The following ATP6V1H variants were observed in gnomAD, a reference collection of about 807,000 sequenced individuals.
ATP6V1H encodes ATPase H+ transporting V1 subunit H.
In ATP6V1H, 39 loss-of-function variants were observed where a neutral mutation model predicts 71.7. That is an observed-to-expected ratio of 0.54 (90% CI 0.42 to 0.71). The LOEUF (loss-of-function observed/expected upper bound fraction) is 0.71. Ranked by LOEUF, ATP6V1H falls within the 30% of genes least tolerant of loss-of-function variation. The pLI, the probability that ATP6V1H is intolerant of heterozygous loss-of-function variation, is 0.00. For synonymous variants in ATP6V1H, 192 were observed against 199.3 expected (o/e 0.96, Z 0.31); for missense variants, 509 against 594.9 (o/e 0.86, Z 1.50).
chr8:53,777,465 A>G (rs1486713802), intron 9 of ATP6V1H, among the ~76,000 whole-genome samples: 3 of 152,126 alleles, frequency 2.0e-5, no homozygotes, highest in Non-Finnish European at 4.4e-5. Flanking sequence ...AAGTGGAACG[A>G]TATCTTGAAA....
intron 9 of ATP6V1H, among the ~76,000 whole-genome samples, chr8:53,772,864 GCTA>G (rs530967244): frequency 8.7e-4 from 105 of 120,794 alleles, no homozygotes; most frequent in Non-Finnish European, 1.4e-3. Flanking sequence ...TTAAAAAAAA[GCTA>G]CTTTCACCAA....
rs1563481493 is a variant in ATP6V1H, at chr8:53,819,657, CGT to C, written c.307-2129_307-2128del. Among the ~76,000 whole-genome samples the C allele has an allele frequency of 3.4e-4, 26 of 76,696 alleles. No homozygotes were observed. The South Asian group carries it at 0.011, about 32-fold the overall frequency. The allele number at this position is 76,696 out of a possible 152,430, so 50.3% of individuals were successfully genotyped here. A position where few individuals can be genotyped will look rare whatever the true frequency, so the allele number is the denominator to read the frequency against. ...ATATACAAATGTATATATGTATATA[CGT>C]ATATACATATATACATATGTATATA... On this transcript the variant is annotated intron_variant, in intron 4 of 13. Transcript: ENST00000359530.
At chr8:53,790,171 C>T (rs1285960181) in intron 9 of ATP6V1H, among the ~76,000 whole-genome samples, 5 of 152,138 alleles carry the variant, frequency 3.3e-5, no homozygotes, top group Non-Finnish European at 7.4e-5. Context: ...CATGTTTTTA[C>T]TTCTCTCTTA....
intron 4 of ATP6V1H, among the ~76,000 whole-genome samples, chr8:53,826,398 T>C (rs1441550454): frequency 6.6e-6 from 1 of 152,218 alleles, no homozygotes; most frequent in Non-Finnish European, 1.5e-5. Flanking sequence ...CCAACCACAA[T>C]GTCCATCATT....
intron 9 of ATP6V1H, among the ~76,000 whole-genome samples, chr8:53,790,243 T>C (rs941325745): frequency 1.3e-5 from 2 of 152,240 alleles, no homozygotes; most frequent in South Asian, 2.1e-4. Flanking sequence ...AACTTTTTCA[T>C]TGGATGGCAA....
At chr8:53,819,093 C>G (rs1810547914) in intron 4 of ATP6V1H, among the ~76,000 whole-genome samples, 1 of 151,768 alleles carries the variant, frequency 6.6e-6, no homozygotes. Flanking sequence ...ATGGTCCCAG[C>G]TACTCAAGAG....
At chr8:53,838,286 C>T (rs1280528977) in intron 2 of ATP6V1H, among the ~76,000 whole-genome samples, 7 of 152,066 alleles carry the variant, frequency 4.6e-5, no homozygotes, top group Non-Finnish European at 1.5e-5. Flanking sequence ...CCACCACACA[C>T]GGCTAATTTT....
chr8:53,838,102 C>A (rs780071929), intron 2 of ATP6V1H, among the ~76,000 whole-genome samples: 9 of 149,672 alleles, frequency 6.0e-5, no homozygotes, highest in African/African-American at 2.2e-4. Context: ...AGGTGTTCCT[C>A]GGCCTGGACA....
At chr8:53,729,928 G>A (rs1181814017) in intron 13 of ATP6V1H, among the ~76,000 whole-genome samples, 1 of 152,140 alleles carries the variant, frequency 6.6e-6, no homozygotes, top group Admixed American at 6.6e-5. Flanking sequence ...AGGAAGCAAG[G>A]GAGCTTCCTG....
chr8:53,778,913 A>G (rs1311218714), intron 9 of ATP6V1H, among the ~76,000 whole-genome samples: 2 of 152,244 alleles, frequency 1.3e-5, no homozygotes, highest in Non-Finnish European at 2.9e-5. Flanking sequence ...TGCTGGAGTG[A>G]TATTAACTTC....
chr8:53,789,299 G>A (rs1809489516), intron 9 of ATP6V1H, among the ~76,000 whole-genome samples: 1 of 152,174 alleles, frequency 6.6e-6, no homozygotes, highest in East Asian at 1.9e-4. Context: ...TAGGGTATGT[G>A]GGAAGCTTGG....
chr8:53,749,530 T>TGCTTCCCCA (rs1221038717), intron 12 of ATP6V1H, among the ~76,000 whole-genome samples: 2 of 152,186 alleles, frequency 1.3e-5, no homozygotes, highest in African/African-American at 4.8e-5. Flanking sequence ...TGGCTATCCC[T>TGCTTCCCCA]GCTTCCCCAG....
chr8:53,800,205 A>G (rs141820445), intron 8 of ATP6V1H, among the ~76,000 whole-genome samples: 411 of 152,294 alleles, frequency 2.7e-3, no homozygotes, highest in Non-Finnish European at 4.2e-3. Context: ...CTGCACGTGG[A>G]TTCCTCCATA....
chr8:53,785,565 G>A (rs1809347730), intron 9 of ATP6V1H, among the ~76,000 whole-genome samples: 1 of 152,158 alleles, frequency 6.6e-6, no homozygotes, highest in Non-Finnish European at 1.5e-5. Context: ...ATCCAGCTTT[G>A]TTCCGTTGCT....
At chr8:53,834,150 A>G (rs1398931081) in intron 2 of ATP6V1H, among the ~76,000 whole-genome samples, 11 of 152,188 alleles carry the variant, frequency 7.2e-5, no homozygotes. Context: ...CCAGTATGGT[A>G]GGAAAAGCAG....
intron 4 of ATP6V1H, among the ~76,000 whole-genome samples, chr8:53,823,997 G>GA (rs770998284): frequency 4.3e-4 from 57 of 133,794 alleles, no homozygotes; most frequent in Admixed American, 9.7e-4. Flanking sequence ...GGTTAATCAA[G>GA]AAAAAAAAAA....
At chr8:53,755,708 ATATATATATATATATATATATATATATAT>A (rs1808003147) in intron 12 of ATP6V1H, among the ~76,000 whole-genome samples, 1 of 3,216 alleles carries the variant, frequency 3.1e-4, no homozygotes, top group African/African-American at 1.9e-3. Context: ...ATATATATAT[ATATATATATATATATATATATATATATAT>A]ATATATATTT....
At position 53,765,332 on chromosome 8, in the gene ATP6V1H, G is replaced by A. The variant is rs182166871; in HGVS notation, c.1175+4286C>T. On this transcript the variant is annotated intron_variant, in intron 11 of 13. Transcript: ENST00000359530. ...CTGGAGAATCTTGCACCCGGGAGGC[G>A]GAGGCTGCAGTAAGCTGAAATTGCG... Among the ~76,000 whole-genome samples the A allele has an allele frequency of 5.0e-3, 758 of 151,158 alleles. 7 individuals carry two copies. Among genetic ancestry groups the A allele is most frequent in the African/African-American group, 0.017 (714 of 41,096 alleles).
Position 53,765,454 on chromosome 8 carries a change from AACACACACACACACACAC to A in ATP6V1H, c.1175+4146_1175+4163del, listed in dbSNP as rs59822523. 2.7e-3 allele frequency among the ~76,000 whole-genome samples: 200 copies of A among 74,126 alleles called. 1 individual carries two copies. Among genetic ancestry groups the A allele is most frequent in the Middle Eastern group, 8.8e-3 (1 of 114 alleles). 48.6% of individuals were successfully genotyped at this position (74,126 alleles called of 152,430 possible). ...GAGGGTGGTGGACAACAACAACAAC[AACACACACACACACACAC>A]ACACACACACACACACACACACACA... On this transcript the variant is annotated intron_variant, in intron 11 of 13. Transcript: ENST00000359530.
Sources: allele counts gnomAD v4.1 joint callset (sites outside exome capture counted in the v4.1 genomes callset), GRCh38; gene constraint gnomAD v4.1.1; transcripts MANE v1.5; gene names NCBI Gene and HGNC (gene_info 2026-07-23, HGNC 2026-07-21).